PCDHGB2: variants seen among roughly 807,000 people sequenced by gnomAD.
PCDHGB2 encodes the protein protocadherin gamma subfamily B, 2, also known as protocadherin gamma-B2.
Under a neutral mutation model 59.3 loss-of-function variants are expected in PCDHGB2, and 55 were observed. The observed-to-expected ratio is 0.93, with a 90% confidence interval of 0.75 to 1.16. The LOEUF (loss-of-function observed/expected upper bound fraction) is 1.16, where lower values mean the gene tolerates loss of function less well. PCDHGB2 is among the 50% of genes most tolerant of loss of function. The probability of loss-of-function intolerance (pLI) is 0.00; values close to 1 mark genes in which losing one functional copy is unlikely to be tolerated. For synonymous variants in PCDHGB2, 516 were observed against 512.0 expected (o/e 1.01, Z -0.11); for missense variants, 1,228 against 1,198.5 (o/e 1.02, Z -0.36).
chr5:141,372,264 G>GGTGAGGTGC, intron 1 of PCDHGB2: 1 of 1,613,138 alleles, frequency 6.2e-7, no homozygotes, highest in Non-Finnish European at 8.5e-7. Flanking sequence ...CCTGCGCACG[G>GGTGAGGTGC]GTGAGGTGCG....
At chr5:141,371,107 ACC>A in intron 1 of PCDHGB2, 1 of 1,613,650 alleles carries the variant, frequency 6.2e-7, no homozygotes, top group Non-Finnish European at 8.5e-7. Context: ...GCAAATGATA[ACC>A]CCCCAGTATT....
In PCDHGB2 at chr5:141,415,309, G is replaced by C. The variant is rs199689792; in HGVS notation, c.2421+52753G>C. 3.4e-5 allele frequency: 55 copies of C among 1,614,098 alleles called. No homozygotes were observed. Among genetic ancestry groups the C allele is most frequent in the Middle Eastern group, 1.6e-4 (1 of 6,084 alleles). On this transcript the variant is annotated intron_variant, in intron 1 of 3. Transcript: ENST00000522605. ...GGTCTCCTGCGTCTTCCTGGCCTTC[G>C]TCATCGTGCTGCTGGCGCACAGGCT...
At chr5:141,374,140 C>G in intron 1 of PCDHGB2, 1 of 1,609,666 alleles carries the variant, frequency 6.2e-7, no homozygotes, top group Non-Finnish European at 8.5e-7. Flanking sequence ...TCCTCACGCT[C>G]CTGGGGACGC....
At position 141,393,567 on chromosome 5, in the gene PCDHGB2, C is replaced by T. The variant is rs766591189; in HGVS notation, c.2421+31011C>T. 6 of 1,613,798 alleles carry T rather than the reference C, an allele frequency of 3.7e-6. No homozygotes were observed. The African/African-American group carries it at 6.7e-5, about 18-fold the overall frequency. ...TCACCCGATTTACCGAGTGAAAGTC[C>T]TTGAGAACATGCCCCCAGGCACGCG... On this transcript the variant is annotated intron_variant, in intron 1 of 3. Transcript: ENST00000522605.
At chr5:141,478,234 G>C (rs762337749) in intron 1 of PCDHGB2, 21 of 1,614,082 alleles carry the variant, frequency 1.3e-5, no homozygotes, top group Non-Finnish European at 1.8e-5. Flanking sequence ...TGGGGTTTGT[G>C]GTCACAGTGT....
intron 1 of PCDHGB2, chr5:141,372,709 C>A (rs751651788): frequency 6.2e-7 from 1 of 1,613,966 alleles, no homozygotes; most frequent in South Asian, 1.1e-5. Flanking sequence ...AATATAAAGG[C>A]TGAAAATGCT....
chr5:141,433,050 G>A, intron 1 of PCDHGB2: 2 of 1,614,142 alleles, frequency 1.2e-6, no homozygotes, highest in Non-Finnish European at 1.7e-6. Context: ...ACGGACTCGC[G>A]GAAGAGTCAC....
rs761668802 is a variant in PCDHGB2 at position 141,362,348 on chromosome 5, G to T, written c.2213G>T (p.Gly738Val). 1.2e-6 allele frequency: 2 copies of T among 1,614,022 alleles called. No individual in the cohort carries two copies. The highest frequency in any genetic ancestry group is 1.7e-6 in the Non-Finnish European group (2 of 1,179,896). ...GGTCTCAGCTCCAAGCCTGGACCTG[G>T]GGTTCTCCCCAATTACAGTGAGGGT... ...QPGLSSKPGP[G>V]VLPNYSEGTL... The change falls in exon 1 of 4, where the codon GGG (glycine) becomes GTG (valine). Residue 738 changes from glycine to valine, a missense_variant. Gly to Val is a moderately radical substitution (Grantham distance 109). This residue lies in a region of PCDHGB2 where 433 missense variants were observed against 441.8 expected (regional missense o/e 0.98). Coordinates refer to ENST00000522605, the MANE Select transcript of PCDHGB2 (RefSeq NM_018923.3).
chr5:141,378,356 C>G (rs1244158802), intron 1 of PCDHGB2: 2 of 152,218 alleles, frequency 1.3e-5, no homozygotes, highest in African/African-American at 4.8e-5. Flanking sequence ...AACCCCGTCT[C>G]TACTAAAAAT....
intron 1 of PCDHGB2, among the ~76,000 whole-genome samples, chr5:141,452,578 C>T (rs2098744735): frequency 6.6e-6 from 1 of 152,150 alleles, no homozygotes; most frequent in African/African-American, 2.4e-5. Flanking sequence ...TCCCCCTTTC[C>T]ATCTTTGTAT....
At chr5:141,413,513 T>C (rs1369472337) in intron 1 of PCDHGB2, 34 of 1,613,974 alleles carry the variant, frequency 2.1e-5, no homozygotes, top group Non-Finnish European at 2.9e-5. Context: ...TTTAATATCC[T>C]TGTGGAAGAC....
intron 1 of PCDHGB2, among the ~76,000 whole-genome samples, chr5:141,447,165 G>T (rs1192617600): frequency 6.6e-6 from 1 of 151,842 alleles, no homozygotes; most frequent in African/African-American, 2.4e-5. Flanking sequence ...TTTAAGCGGG[G>T]TCTTGCTCTT....
intron 1 of PCDHGB2, among the ~76,000 whole-genome samples, chr5:141,382,211 G>A (rs1778048764): frequency 6.6e-6 from 1 of 152,054 alleles, no homozygotes; most frequent in African/African-American, 2.4e-5. Flanking sequence ...ATTAAAATAG[G>A]TCTATATATT....
In PCDHGB2 at chr5:141,431,739, A is replaced by G; in HGVS notation, c.2422-63068A>G. 3.1e-6 allele frequency: 5 copies of G among 1,614,240 alleles called. No homozygotes were observed. Among genetic ancestry groups the G allele is most frequent in the Non-Finnish European group, 3.4e-6 (4 of 1,180,048 alleles). Reference sequence around the variant, plus strand: ...GTGCAAGCAATGGATAATGCAGGATATTCTGCGCGAGCCAAAGTCCTGATC... The same window carrying G: ...GTGCAAGCAATGGATAATGCAGGATGTTCTGCGCGAGCCAAAGTCCTGATC... On this transcript the variant is annotated intron_variant, in intron 1 of 3. Transcript: ENST00000522605. The surrounding 1 kb of genome is among the most constrained non-coding windows in gnomAD (Gnocchi z 4.8).
In PCDHGB2 at chr5:141,477,085, G is replaced by A. The variant is rs1420972762; in HGVS notation, c.2422-17722G>A. On this transcript the variant is annotated intron_variant, in intron 1 of 3. Coordinates refer to ENST00000522605, the MANE Select transcript of PCDHGB2 (RefSeq NM_018923.3). This position sits in a 1 kb window ranked among gnomAD's most constrained non-coding sequence, Gnocchi z 4.9. ...CCAAACTCCATGAGATTTACATCCAGGCCAAAGACAAGGGCGCCAATCCCG... is the reference window on the plus strand; with the variant it reads ...CCAAACTCCATGAGATTTACATCCAAGCCAAAGACAAGGGCGCCAATCCCG... 1 of 1,614,262 alleles carries A rather than the reference G, an allele frequency of 6.2e-7. No individual in the cohort carries two copies. The highest frequency in any genetic ancestry group is 1.7e-5 in the Admixed American group (1 of 60,034).
rs1264688160 is a variant in PCDHGB2, at chr5:141,493,193, G to A, written c.2422-1614G>A. 6.6e-6 allele frequency among the ~76,000 whole-genome samples: 1 copy of A among 152,128 alleles called. No individual in the cohort carries two copies. On this transcript the variant is annotated intron_variant, in intron 1 of 3. Transcript: ENST00000522605. This position sits in a 1 kb window ranked among gnomAD's most constrained non-coding sequence, Gnocchi z 4.3. ...GAGAAACTTACTATATAACTCCTTT[G>A]AGAACCTCATCTCATTTGCTCTTCC...
chr5:141,400,048 G>A (rs760963865), intron 1 of PCDHGB2: 3 of 1,613,664 alleles, frequency 1.9e-6, no homozygotes, highest in Non-Finnish European at 2.5e-6. Context: ...CCTGCTGGTT[G>A]CTGTGCGTGA....
chr5:141,492,873 C>G (rs2099744714), intron 1 of PCDHGB2, among the ~76,000 whole-genome samples: 1 of 152,182 alleles, frequency 6.6e-6, no homozygotes, highest in Non-Finnish European at 1.5e-5. Context: ...CTCTCAACCC[C>G]CAGAGATACA....
chr5:141,368,303 C>A lies in PCDHGB2; in HGVS notation c.2421+5747C>A, dbSNP rs981191656. ...CCACTTGATTTTTATTTTTTAAACA[C>A]TGTTAAAGAGCATTCAAGTATATCT... On this transcript the variant is annotated intron_variant, in intron 1 of 3. Transcript: ENST00000522605. Among the ~76,000 whole-genome samples, 12 of 152,184 alleles carry A rather than the reference C, an allele frequency of 7.9e-5. No homozygotes were observed. In the East Asian group the frequency reaches 2.3e-3, roughly 29 times the overall value.
Sources: allele counts gnomAD v4.1 joint callset (sites outside exome capture counted in the v4.1 genomes callset), GRCh38; gene constraint gnomAD v4.1.1; regional missense constraint gnomAD v4.1.1; non-coding constraint Gnocchi (gnomAD v3.1); transcripts MANE v1.5; gene names NCBI Gene and HGNC (gene_info 2026-07-23, HGNC 2026-07-21).